Variants in FAM227A observed in about 807,000 individuals in gnomAD.
FAM227A encodes protein FAM227A.
Under a neutral mutation model 74.7 loss-of-function variants are expected in FAM227A, and 80 were observed. That is an observed-to-expected ratio of 1.07 (90% CI 0.89 to 1.29). FAM227A has a LOEUF of 1.29. Among genes scored for constraint, FAM227A ranks in the 50% most tolerant of loss-of-function variants. The pLI, the probability that FAM227A is intolerant of heterozygous loss-of-function variation, is 0.00. For synonymous variants in FAM227A, 237 were observed against 241.8 expected (o/e 0.98, Z 0.19); for missense variants, 654 against 683.4 (o/e 0.96, Z 0.48).
At chr22:38,644,941 T>C (rs1416200051) in intron 3 of FAM227A, among the ~76,000 whole-genome samples, 1 of 151,764 alleles carries the variant, frequency 6.6e-6, no homozygotes, top group Non-Finnish European at 1.5e-5. Context: ...TACAAAAAAT[T>C]AGCCGGGTAT....
chr22:38,620,220 GGTA>G lies in FAM227A; in HGVS notation c.1027_1029del (p.Tyr343del). Reference sequence around the variant, plus strand: ...CGTGCCTCCCCACTTACCTGAGGGTGGTAGAATTTCCTGCTCTGGGCTGGCTTC... The same window carrying G: ...CGTGCCTCCCCACTTACCTGAGGGTGGAATTTCCTGCTCTGGGCTGGCTTC... On this transcript the variant is annotated inframe_deletion, in exon 11 of 17. Transcript: ENST00000535113. 6.4e-7 allele frequency: 1 copy of G among 1,550,700 alleles called. No homozygotes were observed. Among genetic ancestry groups the G allele is most frequent in the Non-Finnish European group, 8.7e-7 (1 of 1,146,338 alleles).
At chr22:38,638,881 C>T (rs796343817) in intron 4 of FAM227A, 59 bp from the exon 5 acceptor site, 10 of 1,118,760 alleles carry the variant, frequency 8.9e-6, no homozygotes, top group African/African-American at 8.0e-5. Context: ...CACAGCTGTG[C>T]GGTGCTTACA....
At chr22:38,610,765 A>G (rs2091395673) in intron 11 of FAM227A, among the ~76,000 whole-genome samples, 1 of 152,204 alleles carries the variant, frequency 6.6e-6, no homozygotes, top group Admixed American at 6.5e-5. Flanking sequence ...CCTTCCACTT[A>G]GAAAGTACTT....
chr22:38,639,267 G>C (rs1360999944), intron 4 of FAM227A, among the ~76,000 whole-genome samples: 1 of 152,036 alleles, frequency 6.6e-6, no homozygotes, highest in African/African-American at 2.4e-5. Context: ...AAATTAGCCA[G>C]GCACGGTGGC....
At position 38,586,329 on chromosome 22, in the gene FAM227A, C is replaced by T. The variant is rs188362111; in HGVS notation, c.1639-130G>A. 8.9e-6 allele frequency: 9 copies of T among 1,015,932 alleles called. No individual in the cohort carries two copies. In the South Asian group the frequency reaches 1.3e-4, roughly 15 times the overall value. The allele number at this position is 1,015,932 out of a possible 1,614,324, so 62.9% of individuals were successfully genotyped here. ...TGCATGGAATATTGAGGGCGTGCTC[C>T]TGCCTCCAGAGAAAGTGGTCGAGCA... On this transcript the variant is annotated intron_variant, in intron 16 of 16. Coordinates refer to ENST00000535113, the MANE Select transcript of FAM227A (RefSeq NM_001013647.2).
At position 38,656,220 on chromosome 22, in the gene FAM227A, C is replaced by T. The variant is rs566206611; in HGVS notation, c.-195G>A. ...TGGGTCGGCCCCCGACAGCCGGTGC[C>T]CCCAAACTCACAGCAAGGGGTGCCC... On this transcript the variant is annotated 5_prime_UTR_variant, in exon 1 of 17. Transcript: ENST00000535113. 2 of 152,468 alleles carry T rather than the reference C, an allele frequency of 1.3e-5. No individual in the cohort carries two copies. Among genetic ancestry groups the T allele is most frequent in the East Asian group, 3.9e-4 (2 of 5,186 alleles). 9.4% of individuals were successfully genotyped at this position (152,468 alleles called of 1,614,324 possible). A position where few individuals can be genotyped will look rare whatever the true frequency, so the allele number is the denominator to read the frequency against.
chr22:38,582,903 C>T lies in FAM227A; in HGVS notation c.*3222G>A, dbSNP rs759752958. On this transcript the variant is annotated 3_prime_UTR_variant, in exon 17 of 17. Coordinates refer to ENST00000535113, the MANE Select transcript of FAM227A (RefSeq NM_001013647.2). ...TAGGGAAGGCTCCCAAGATGAGGGACGTCTAAGCGGGGTCCTGGAGGAAGA... is the reference window on the plus strand; with the variant it reads ...TAGGGAAGGCTCCCAAGATGAGGGATGTCTAAGCGGGGTCCTGGAGGAAGA... The T allele has an allele frequency of 4.6e-5, 71 of 1,550,284 alleles. No individual in the cohort carries two copies. The highest frequency in any genetic ancestry group is 6.0e-5 in the Non-Finnish European group (69 of 1,146,952).
chr22:38,603,593 T>C (rs1037152414), intron 13 of FAM227A, among the ~76,000 whole-genome samples: 1 of 152,104 alleles, frequency 6.6e-6, no homozygotes, highest in Non-Finnish European at 1.5e-5. Flanking sequence ...CACAAATACA[T>C]GCACACAGAG....
rs1034817341 is a variant in FAM227A at position 38,580,709 on chromosome 22, T to G, written c.*5416A>C. On this transcript the variant is annotated 3_prime_UTR_variant, in exon 17 of 17. Coordinates refer to ENST00000535113, the MANE Select transcript of FAM227A (RefSeq NM_001013647.2). Reference sequence around the variant, plus strand: ...CATATGGGAATGGCATGATAAATGCTTATTCATTTACTTACCAATTTTCAA... The same window carrying G: ...CATATGGGAATGGCATGATAAATGCGTATTCATTTACTTACCAATTTTCAA... 6.6e-6 allele frequency: 1 copy of G among 152,240 alleles called. No individual in the cohort carries two copies. Among genetic ancestry groups the G allele is most frequent in the Non-Finnish European group, 1.5e-5 (1 of 68,038 alleles). The allele number at this position is 152,240 out of a possible 1,614,324, so 9.4% of individuals were successfully genotyped here.
intron 11 of FAM227A, among the ~76,000 whole-genome samples, chr22:38,617,605 G>A (rs973302075): frequency 6.6e-6 from 1 of 152,122 alleles, no homozygotes; most frequent in African/African-American, 2.4e-5. Context: ...GGAGGAGGCT[G>A]TCTTAATGAA....
rs2091567069 is a variant in FAM227A, at chr22:38,615,979, G to C, written c.1038+4233C>G. 2.0e-5 allele frequency among the ~76,000 whole-genome samples: 3 copies of C among 152,094 alleles called. No homozygotes were observed. The South Asian group carries it at 6.2e-4, about 32-fold the overall frequency. On this transcript the variant is annotated intron_variant, in intron 11 of 16. Coordinates refer to ENST00000535113, the MANE Select transcript of FAM227A (RefSeq NM_001013647.2). Reference sequence around the variant, plus strand: ...TGGTGGATAGACAAGTACGAGTTCCGGGAGAGGCCAGGGCGAAGGTGGGTC... The same window carrying C: ...TGGTGGATAGACAAGTACGAGTTCCCGGAGAGGCCAGGGCGAAGGTGGGTC...
intron 11 of FAM227A, 104 bp downstream of exon 11, chr22:38,620,108 A>C: frequency 2.2e-5 from 17 of 769,662 alleles, no homozygotes; most frequent in Non-Finnish European, 3.5e-5. Flanking sequence ...CAAGGGGTAC[A>C]GAGATGTGCA....
intron 11 of FAM227A, among the ~76,000 whole-genome samples, chr22:38,610,905 C>A (rs1281100347): frequency 6.6e-6 from 1 of 151,866 alleles, no homozygotes; most frequent in African/African-American, 2.4e-5. Flanking sequence ...ACTAAAAATA[C>A]AAAAATTAGC....
intron 15 of FAM227A, among the ~76,000 whole-genome samples, chr22:38,595,423 A>G (rs2091023896): frequency 6.6e-6 from 1 of 152,242 alleles, no homozygotes; most frequent in South Asian, 2.1e-4. Flanking sequence ...ACAAAGAAAG[A>G]TAAAAGAAAG....
intron 6 of FAM227A, among the ~76,000 whole-genome samples, chr22:38,631,705 G>A (rs1368459774): frequency 6.6e-6 from 1 of 152,156 alleles, no homozygotes; most frequent in Non-Finnish European, 1.5e-5. Context: ...GAGCAAGCAG[G>A]AGCCAGGCTA....
chr22:38,640,249 G>T (rs796961662), intron 3 of FAM227A, among the ~76,000 whole-genome samples: 2 of 152,216 alleles, frequency 1.3e-5, no homozygotes, highest in African/African-American at 4.8e-5. Flanking sequence ...TAGCCAGGAT[G>T]GTCTTGATCT....
chr22:38,594,521 G>T (rs2091003055), intron 15 of FAM227A, among the ~76,000 whole-genome samples: 2 of 152,302 alleles, frequency 1.3e-5, no homozygotes, highest in Admixed American at 1.3e-4. Flanking sequence ...TTTCTTGGCT[G>T]CAGAGTATGG....
At chr22:38,624,562 G>A (rs930542259) in intron 9 of FAM227A, among the ~76,000 whole-genome samples, 5 of 152,170 alleles carry the variant, frequency 3.3e-5, no homozygotes, top group African/African-American at 4.8e-5. Flanking sequence ...AGAATGGCTC[G>A]TTGTGCCTAT....
chr22:38,630,683 A>G (rs2091898918), intron 6 of FAM227A, among the ~76,000 whole-genome samples: 1 of 152,194 alleles, frequency 6.6e-6, no homozygotes, highest in African/African-American at 2.4e-5. Flanking sequence ...CAGCTCTTCA[A>G]CAAATATTTA....
Sources: allele counts gnomAD v4.1 joint callset (sites outside exome capture counted in the v4.1 genomes callset), GRCh38; gene constraint gnomAD v4.1.1; transcripts MANE v1.5; gene names NCBI Gene and HGNC (gene_info 2026-07-23, HGNC 2026-07-21).